Variants in ABCC5 observed in about 807,000 individuals in gnomAD.
ABCC5 encodes ATP-binding cassette sub-family C member 5.
A neutral mutation model predicts 160.9 loss-of-function variants in ABCC5; 61 were observed. The observed-to-expected ratio is 0.38, with a 90% CI of 0.31 to 0.47. ABCC5 has a LOEUF of 0.47. ABCC5 is among the 20% of genes least tolerant of loss of function. ABCC5 has a pLI of 0.99. For synonymous variants in ABCC5, 666 were observed against 700.6 expected (o/e 0.95, Z 0.78); for missense variants, 1,308 against 1,813.3 (o/e 0.72, Z 5.06).
At position 183,965,517 on chromosome 3, in the gene ABCC5, C is replaced by T; in HGVS notation, c.1834-16G>A. The T allele has an allele frequency of 6.2e-7, 1 of 1,613,510 alleles. No homozygotes were observed. The highest frequency in any genetic ancestry group is 8.5e-7 in the Non-Finnish European group (1 of 1,179,890). ...GAAGCGTCATCTAGGGAGAGAGACACCATCCAATGGCATCATAACTCAAAA... is the reference window on the plus strand; with the variant it reads ...GAAGCGTCATCTAGGGAGAGAGACATCATCCAATGGCATCATAACTCAAAA... On this transcript the variant is annotated splice_polypyrimidine_tract_variant and intron_variant, in intron 12 of 29. Transcript: ENST00000334444.
chr3:183,933,165 CA>C (rs55863712), intron 26 of ABCC5, among the ~76,000 whole-genome samples: 4,897 of 73,716 alleles, frequency 0.066, 60 homozygotes, highest in African/African-American at 0.12. Flanking sequence ...GAGACTGTCT[CA>C]AAAAAAAAAA....
At chr3:183,934,647 C>A (rs898330878) in intron 26 of ABCC5, among the ~76,000 whole-genome samples, 1 of 152,162 alleles carries the variant, frequency 6.6e-6, no homozygotes, top group African/African-American at 2.4e-5. Context: ...ACCAGCTGCA[C>A]GCGCCCATGG....
intron 5 of ABCC5, chr3:183,985,536 G>A (rs540874053): frequency 2.4e-5 from 18 of 760,250 alleles, no homozygotes; most frequent in South Asian, 2.7e-5. Context: ...AAAGGCCCTC[G>A]AGCAGAGTTA....
At chr3:183,945,344 T>A (rs1022112860) in intron 24 of ABCC5, among the ~76,000 whole-genome samples, 1 of 152,146 alleles carries the variant, frequency 6.6e-6, no homozygotes, top group African/African-American at 2.4e-5. Flanking sequence ...TGGTATCAAT[T>A]AAATTTACTC....
chr3:183,937,240 G>A (rs756864422), intron 26 of ABCC5, among the ~76,000 whole-genome samples: 10 of 152,046 alleles, frequency 6.6e-5, no homozygotes, highest in Non-Finnish European at 1.5e-4. Flanking sequence ...AGCTGGGCCT[G>A]GGGGAGGGCG....
intron 27 of ABCC5, chr3:183,927,887 G>GA (rs1388295950): frequency 1.1e-6 from 1 of 895,412 alleles, no homozygotes; most frequent in East Asian, 1.2e-4. Flanking sequence ...TAGAGCAGAG[G>GA]AAAAAACAGA....
chr3:183,977,642 G>C lies in ABCC5; in HGVS notation c.1297-18C>G. ...GTGAAAGCCTGAAAATAGGAGAAGA[G>C]AAGAAACTGTGCCTAATGATGCTAT... is the stretch of plus-strand genomic sequence containing the variant. On this transcript the variant is annotated intron_variant, in intron 9 of 29. Coordinates refer to ENST00000334444, the MANE Select transcript of ABCC5 (RefSeq NM_005688.4). 6.3e-7 allele frequency: 1 copy of C among 1,586,230 alleles called. No homozygotes were observed. Among genetic ancestry groups the C allele is most frequent in the Non-Finnish European group, 8.7e-7 (1 of 1,155,836 alleles).
At chr3:184,010,420 C>T (rs2108924956) in intron 2 of ABCC5, 2 of 152,342 alleles carry the variant, frequency 1.3e-5, no homozygotes, top group Admixed American at 1.3e-4. Flanking sequence ...TGAAAACCTG[C>T]TACAGTGGTG....
chr3:183,982,878 C>A lies in ABCC5; in HGVS notation c.721G>T (p.Ala241Ser). 1.9e-6 allele frequency: 3 copies of A among 1,614,208 alleles called. No homozygotes were observed. The highest frequency in any genetic ancestry group is 2.5e-6 in the Non-Finnish European group (3 of 1,180,044). Residue 241 changes from alanine (A) to serine (S), a missense_variant, in exon 6 of 30, where the codon GCA (alanine) becomes TCA (serine). Transcript: ENST00000334444. The surrounding 1 kb of genome is among the most constrained non-coding windows in gnomAD (Gnocchi z 5.2). ...VRSWSLALTW[A>S]LNYRTGVRLR... ...CGGACACCGGTTCGGTAATTCAATG[C>A]CCAAGTCAGTGCAAGCGACCAAGAC...
chr3:183,982,667 G>A lies in ABCC5; in HGVS notation c.826-43C>T, dbSNP rs183205740. 125 of 1,609,234 alleles carry A rather than the reference G, an allele frequency of 7.8e-5. No homozygotes were observed. The highest frequency in any genetic ancestry group is 4.3e-4 in the Admixed American group (26 of 59,812). ...TAGTGAGGGGACCCTGCAAGGACAC[G>A]GTTCATTTGTCTCAGGAGGAAGATA... On this transcript the variant is annotated intron_variant, in intron 6 of 29. Transcript: ENST00000334444. This position sits in a 1 kb window ranked among gnomAD's most constrained non-coding sequence, Gnocchi z 5.2.
chr3:183,926,499 G>A lies in ABCC5; in HGVS notation c.4048-780C>T, dbSNP rs183671036. Among the ~76,000 whole-genome samples, 544 of 151,648 alleles carry A rather than the reference G, an allele frequency of 3.6e-3. 8 individuals are homozygous for A. The highest frequency in any genetic ancestry group is 0.015 in the East Asian group (76 of 5,074). On this transcript the variant is annotated intron_variant, in intron 28 of 29. Coordinates refer to ENST00000334444, the MANE Select transcript of ABCC5 (RefSeq NM_005688.4). The stretch of plus-strand genomic sequence containing the variant: ...CAGGAGGTGGAGGTTGCAGTGAGCC[G>A]AGATCACACCACTGCACTCCAGCCT...
At chr3:183,974,852 C>G (rs547040405) in intron 10 of ABCC5, among the ~76,000 whole-genome samples, 1 of 152,242 alleles carries the variant, frequency 6.6e-6, no homozygotes, top group East Asian at 1.9e-4. Flanking sequence ...CAGGAAGCAA[C>G]AAGTTCTCCT....
intron 5 of ABCC5, among the ~76,000 whole-genome samples, 171 bp from the exon 6 acceptor site, chr3:183,983,178 A>T (rs951732797): frequency 6.6e-6 from 1 of 152,274 alleles, no homozygotes; most frequent in Non-Finnish European, 1.5e-5. Context: ...TAACTTACTC[A>T]GGGCATTCTG....
intron 22 of ABCC5, among the ~76,000 whole-genome samples, chr3:183,948,368 C>G (rs1461781404): frequency 2.6e-5 from 4 of 152,064 alleles, no homozygotes; most frequent in Non-Finnish European, 5.9e-5. Flanking sequence ...TTTTTCAATG[C>G]ACTGACATTT....
chr3:183,997,893 C>T (rs1369464117), intron 2 of ABCC5, among the ~76,000 whole-genome samples: 1 of 152,108 alleles, frequency 6.6e-6, no homozygotes, highest in Non-Finnish European at 1.5e-5. Flanking sequence ...AGCAATCTCC[C>T]ACCTCAGCCT....
intron 2 of ABCC5, among the ~76,000 whole-genome samples, chr3:184,011,747 C>G (rs1721763012): frequency 6.6e-6 from 1 of 152,074 alleles, no homozygotes; most frequent in Non-Finnish European, 1.5e-5. Context: ...ATGCACACAA[C>G]AAAATTAGAT....
chr3:183,972,453 CCG>C (rs1717841220), intron 10 of ABCC5, among the ~76,000 whole-genome samples: 1 of 152,178 alleles, frequency 6.6e-6, no homozygotes, highest in Non-Finnish European at 1.5e-5. Context: ...GTTTCATCTA[CCG>C]CAGAGAACAT....
intron 12 of ABCC5, 86 bp from the exon 13 acceptor site, chr3:183,965,587 C>G: frequency 1.3e-6 from 2 of 1,552,522 alleles, no homozygotes; most frequent in South Asian, 1.2e-5. Flanking sequence ...ACAATGGAAT[C>G]TAGCTCTGGT....
At chr3:183,991,832 G>C (rs146276640) in intron 2 of ABCC5, among the ~76,000 whole-genome samples, 36 of 152,304 alleles carry the variant, frequency 2.4e-4, no homozygotes, top group African/African-American at 8.2e-4. Flanking sequence ...TCTTACCTAT[G>C]AGCTGCATAT....
Sources: gnomAD v4.1 joint callset for allele counts (sites outside exome capture counted in the v4.1 genomes callset) on GRCh38, gnomAD v4.1.1 for gene constraint, Gnocchi (gnomAD v3.1) non-coding constraint, MANE v1.5 for transcripts, NCBI Gene and HGNC (gene_info 2026-07-23, HGNC 2026-07-21) for gene names.